The following RASAL2 variants were observed in gnomAD, a reference collection of about 807,000 sequenced individuals.
RASAL2 encodes the protein ras GTPase-activating protein nGAP.
Under a neutral mutation model 128.9 loss-of-function variants are expected in RASAL2, and 58 were observed. The observed-to-expected ratio is 0.45, with a 90% CI of 0.36 to 0.56. The LOEUF is 0.56. RASAL2 is among the 20% of genes least tolerant of loss of function. RASAL2 has a pLI of 0.00. For synonymous variants in RASAL2, 561 were observed against 580.8 expected (o/e 0.97, Z 0.49); for missense variants, 1,360 against 1,601.6 (o/e 0.85, Z 2.57).
At chr1:178,198,530 G>C (rs1182400353) in intron 1 of RASAL2, among the ~76,000 whole-genome samples, 4 of 152,182 alleles carry the variant, frequency 2.6e-5, no homozygotes, top group African/African-American at 7.2e-5. Flanking sequence ...CTGTTTGTTA[G>C]TTTTCCTTCT....
intron 1 of RASAL2, among the ~76,000 whole-genome samples, chr1:178,182,409 A>G (rs1018395272): frequency 1.6e-4 from 25 of 152,318 alleles, no homozygotes; most frequent in Admixed American, 1.6e-3. Flanking sequence ...AGAAGTCATG[A>G]TCTAGGCACT....
intron 17 of RASAL2, chr1:178,470,784 G>A (rs1471782592): frequency 7.8e-7 from 1 of 1,284,862 alleles, no homozygotes; most frequent in Non-Finnish European, 1.0e-6. Context: ...CCAGTGCACT[G>A]GCCTCCTACA....
chr1:178,218,405 G>A (rs1488908497), intron 1 of RASAL2, among the ~76,000 whole-genome samples: 1 of 152,110 alleles, frequency 6.6e-6, no homozygotes, highest in Non-Finnish European at 1.5e-5. Flanking sequence ...GTCAGTATGC[G>A]GCCAGGTGCA....
At chr1:178,268,495 G>A (rs1666092851) in intron 1 of RASAL2, among the ~76,000 whole-genome samples, 1 of 152,006 alleles carries the variant, frequency 6.6e-6, no homozygotes, top group Non-Finnish European at 1.5e-5. Context: ...TTAGCTGGGT[G>A]TGGTGGTGCA....
intron 5 of RASAL2, among the ~76,000 whole-genome samples, chr1:178,425,905 AAG>A (rs1309144005): frequency 6.6e-6 from 1 of 152,146 alleles, no homozygotes; most frequent in Non-Finnish European, 1.5e-5. Flanking sequence ...TTCTTAAGGA[AAG>A]AGAGAGGGAT....
chr1:178,477,814 T>C lies in RASAL2; in HGVS notation c.*4575T>C, dbSNP rs1466252162. The C allele has an allele frequency of 6.6e-6, 1 of 152,226 alleles. No individual in the cohort carries two copies. The allele number at this position is 152,226 out of a possible 1,614,324, so 9.4% of individuals were successfully genotyped here. ...CTATCATCCTAAAAAATGTACTATA[T>C]GTGTTATATGTATATATAAGTTAAA... On this transcript the variant is annotated 3_prime_UTR_variant, in exon 18 of 18. Transcript: ENST00000367649.
intron 3 of RASAL2, among the ~76,000 whole-genome samples, chr1:178,389,777 T>C (rs567823291): frequency 4.8e-4 from 73 of 152,300 alleles, no homozygotes; most frequent in Admixed American, 1.2e-3. Flanking sequence ...TGCTGACATG[T>C]AGAGAAGTAG....
chr1:178,229,217 C>T (rs1663903233), intron 1 of RASAL2, among the ~76,000 whole-genome samples: 1 of 152,114 alleles, frequency 6.6e-6, no homozygotes, highest in Non-Finnish European at 1.5e-5. Flanking sequence ...TCTTACATAA[C>T]CATAGTAAAA....
intron 1 of RASAL2, among the ~76,000 whole-genome samples, chr1:178,105,073 G>C (rs1348477933): frequency 6.6e-6 from 1 of 152,222 alleles, no homozygotes; most frequent in African/African-American, 2.4e-5. Flanking sequence ...ACCTGGATGA[G>C]TGATTGAGTT....
At chr1:178,410,535 A>G (rs1674295632) in intron 4 of RASAL2, among the ~76,000 whole-genome samples, 1 of 152,202 alleles carries the variant, frequency 6.6e-6, no homozygotes, top group Non-Finnish European at 1.5e-5. Context: ...AACCTAATAA[A>G]ACTAAAAAGC....
At chr1:178,326,281 C>G (rs891148946) in intron 3 of RASAL2, among the ~76,000 whole-genome samples, 49 of 152,110 alleles carry the variant, frequency 3.2e-4, no homozygotes, top group African/African-American at 1.1e-3. Context: ...GTATCAGTTC[C>G]CATCAGGGAA....
intron 5 of RASAL2, among the ~76,000 whole-genome samples, chr1:178,425,943 C>G (rs1675486124): frequency 6.6e-6 from 1 of 152,140 alleles, no homozygotes; most frequent in African/African-American, 2.4e-5. Flanking sequence ...AGCTAGCAGT[C>G]TCTGCATAGG....
chr1:178,372,485 C>T (rs1190960147), intron 3 of RASAL2, among the ~76,000 whole-genome samples: 1 of 152,114 alleles, frequency 6.6e-6, no homozygotes, highest in Non-Finnish European at 1.5e-5. Context: ...TTTTGTTTGT[C>T]TGTAGAAATA....
At position 178,442,846 on chromosome 1, in the gene RASAL2, T is replaced by A; in HGVS notation, c.1099T>A (p.Phe367Ile). Residue 367 changes from phenylalanine to isoleucine, a missense_variant, in exon 8 of 18, where the codon TTC becomes ATC. Transcript: ENST00000367649. Reference sequence around the variant, plus strand: ...TTTCTGGGGCGAACATTTTGAATTCTTCAGCCTTCCACCTCTTCATAGTAT... The same window carrying A: ...TTTCTGGGGCGAACATTTTGAATTCATCAGCCTTCCACCTCTTCATAGTAT... ...NIFWGEHFEFFSLPPLHSITV... is the reference protein window; with the variant it reads ...NIFWGEHFEFISLPPLHSITV... The A allele has an allele frequency of 6.2e-7, 1 of 1,614,020 alleles. No individual in the cohort carries two copies. Among genetic ancestry groups the A allele is most frequent in the Non-Finnish European group, 8.5e-7 (1 of 1,179,946 alleles).
intron 1 of RASAL2, among the ~76,000 whole-genome samples, chr1:178,116,593 A>G (rs893939414): frequency 1.3e-5 from 2 of 151,892 alleles, no homozygotes; most frequent in African/African-American, 4.8e-5. Context: ...AAAGTTTCTT[A>G]ATAGATTGTT....
At chr1:178,374,967 A>G (rs1200019794) in intron 3 of RASAL2, among the ~76,000 whole-genome samples, 2 of 152,180 alleles carry the variant, frequency 1.3e-5, no homozygotes, top group Non-Finnish European at 2.9e-5. Flanking sequence ...TTGGCTAGGG[A>G]GAAAACATGA....
intron 3 of RASAL2, among the ~76,000 whole-genome samples, chr1:178,356,728 G>A (rs1670833318): frequency 6.6e-6 from 1 of 152,142 alleles, no homozygotes; most frequent in African/African-American, 2.4e-5. Flanking sequence ...AGGGTGAAAG[G>A]AATTGGGATC....
intron 3 of RASAL2, among the ~76,000 whole-genome samples, chr1:178,357,937 T>G (rs996129879): frequency 2.0e-5 from 3 of 151,418 alleles, no homozygotes; most frequent in Non-Finnish European, 4.4e-5. Flanking sequence ...GAAGTATATT[T>G]TTTAAACAAA....
At chr1:178,395,942 T>C (rs926802417) in intron 4 of RASAL2, among the ~76,000 whole-genome samples, 4 of 151,850 alleles carry the variant, frequency 2.6e-5, no homozygotes, top group African/African-American at 9.7e-5. Flanking sequence ...TAAGTCATTT[T>C]GTAATCAGAA....
Sources: allele counts gnomAD v4.1 joint callset (sites outside exome capture counted in the v4.1 genomes callset), GRCh38; gene constraint gnomAD v4.1.1; transcripts MANE v1.5; gene names NCBI Gene and HGNC (gene_info 2026-07-23, HGNC 2026-07-21).